Variants in MBD5 observed in about 807,000 individuals in gnomAD.
The protein encoded by MBD5 is methyl-CpG binding domain protein 5.
A neutral mutation model predicts 117.3 loss-of-function variants in MBD5; 13 were observed. That is an observed-to-expected ratio of 0.11 (90% CI 0.07 to 0.18). The LOEUF (loss-of-function observed/expected upper bound fraction) is 0.18. Ranked by LOEUF, MBD5 falls within the 10% of genes least tolerant of loss-of-function variation. The pLI, the probability that MBD5 is intolerant of heterozygous loss-of-function variation, is 1.00. For synonymous variants in MBD5, 727 were observed against 766.4 expected, an observed-to-expected ratio of 0.95 and a Z score of 0.85; for missense variants, 1,879 against 2,093.8, an observed-to-expected ratio of 0.90 and a Z score of 2.00.
At chr2:148,121,458 T>G (rs1033361108) in intron 1 of MBD5, among the ~76,000 whole-genome samples, 2 of 152,030 alleles carry the variant, frequency 1.3e-5, no homozygotes, top group Non-Finnish European at 2.9e-5. Context: ...TAGTAAAATA[T>G]TCAAGCAAAC....
chr2:148,150,705 T>A (rs1001919690), intron 1 of MBD5, among the ~76,000 whole-genome samples: 5 of 152,108 alleles, frequency 3.3e-5, no homozygotes, highest in Non-Finnish European at 5.9e-5. Context: ...TTGAAGCAAT[T>A]GTGAATGGGA....
chr2:148,490,214 C>A lies in MBD5; in HGVS notation c.4582C>A (p.Pro1528Thr). 4 of 1,614,144 alleles carry A rather than the reference C, an allele frequency of 2.5e-6. No individual in the cohort carries two copies. Among genetic ancestry groups the A allele is most frequent in the Non-Finnish European group, 3.4e-6 (4 of 1,180,028 alleles). The change falls in exon 11 of 14, where the codon CCT (proline) becomes ACT (threonine). Residue 1528 changes from proline (P) to threonine (T), a missense_variant. Around this residue, in one of 4 missense-constraint regions of MBD5, gnomAD observed 1,666 missense variants for 1,792.2 expected, o/e 0.93. Transcript: ENST00000642680. The stretch of plus-strand genomic sequence containing the variant: ...ATGTGCACACATAAATGGGAATAGA[C>A]CTCGACAGAGTCGGGGATTTGGAGA... Reference protein sequence around the residue: ...ERCAHINGNRPRQSRGFGELL... With the variant: ...ERCAHINGNRTRQSRGFGELL...
At chr2:148,475,700 A>G (rs772585044) in intron 8 of MBD5, among the ~76,000 whole-genome samples, 1 of 152,176 alleles carries the variant, frequency 6.6e-6, no homozygotes, top group Non-Finnish European at 1.5e-5. Flanking sequence ...GCTACTATTT[A>G]CTAAAATCAA....
intron 4 of MBD5, among the ~76,000 whole-genome samples, chr2:148,419,680 A>T (rs1308053982): frequency 6.6e-6 from 1 of 152,068 alleles, no homozygotes; most frequent in Non-Finnish European, 1.5e-5. Context: ...CTATTTGGTA[A>T]GGTAATTTAC....
intron 1 of MBD5, among the ~76,000 whole-genome samples, chr2:148,051,604 A>AGTGT (rs59584574): frequency 0.058 from 8,038 of 139,008 alleles, 298 homozygotes; most frequent in East Asian, 0.15. Flanking sequence ...CTGTTTGTTG[A>AGTGT]GTGTGTGTGT....
chr2:148,209,080 T>G (rs1056570565), intron 2 of MBD5, among the ~76,000 whole-genome samples: 7 of 152,206 alleles, frequency 4.6e-5, no homozygotes, highest in African/African-American at 1.7e-4. Context: ...TTCATTTTGA[T>G]TTTACCATGA....
intron 3 of MBD5, among the ~76,000 whole-genome samples, chr2:148,331,236 A>G (rs1702637291): frequency 6.6e-6 from 1 of 152,156 alleles, no homozygotes; most frequent in East Asian, 1.9e-4. Flanking sequence ...AGTTAATTTT[A>G]TGCTTTTTTA....
intron 11 of MBD5, among the ~76,000 whole-genome samples, chr2:148,500,343 G>T (rs1304090475): frequency 6.6e-6 from 1 of 151,796 alleles, no homozygotes; most frequent in East Asian, 1.9e-4. Context: ...AATGTATATT[G>T]GAGTTGGTAT....
intron 3 of MBD5, among the ~76,000 whole-genome samples, chr2:148,245,412 A>G (rs1331092224): frequency 6.6e-6 from 1 of 151,958 alleles, no homozygotes; most frequent in Non-Finnish European, 1.5e-5. Flanking sequence ...TTTTTAATAG[A>G]GATAGGACAA....
In MBD5 at chr2:148,021,475, C is replaced by CTGCTGT. The variant is rs1166799013; in HGVS notation, c.-1128_-1123dup. The CTGCTGT allele has an allele frequency of 1.3e-4, 73 of 578,860 alleles. No individual in the cohort carries two copies. The highest frequency in any genetic ancestry group is 2.0e-4 in the Non-Finnish European group (60 of 300,862). The allele number at this position is 578,860 out of a possible 1,614,324, so 35.9% of individuals were successfully genotyped here. Reference sequence around the variant, plus strand: ...TTTGCTGCTGCTGTTGCTGCTGCTGCTGCTGTTGCTGCTGCTGCTGCTACT... The same window carrying CTGCTGT: ...TTTGCTGCTGCTGTTGCTGCTGCTGCTGCTGTTGCTGTTGCTGCTGCTGCTGCTACT... On this transcript the variant is annotated 5_prime_UTR_variant, in exon 1 of 14. Coordinates refer to ENST00000642680, the MANE Select transcript of MBD5 (RefSeq NM_001378120.1).
At chr2:148,364,980 A>T (rs995807683) in intron 4 of MBD5, among the ~76,000 whole-genome samples, 2 of 152,218 alleles carry the variant, frequency 1.3e-5, no homozygotes, top group African/African-American at 4.8e-5. Flanking sequence ...GCTCTGGACC[A>T]AGCAGACCTA....
chr2:148,120,953 T>G (rs1382729823), intron 1 of MBD5, among the ~76,000 whole-genome samples: 1 of 152,196 alleles, frequency 6.6e-6, no homozygotes. Flanking sequence ...ATTCCTAGTT[T>G]GTTGGATGTG....
chr2:148,253,476 C>A (rs1379357615), intron 3 of MBD5, among the ~76,000 whole-genome samples: 2 of 152,156 alleles, frequency 1.3e-5, no homozygotes, highest in African/African-American at 4.8e-5. Context: ...CATATACAGG[C>A]ATACCTCAGA....
At chr2:148,114,770 A>G (rs187049041) in intron 1 of MBD5, among the ~76,000 whole-genome samples, 2 of 152,292 alleles carry the variant, frequency 1.3e-5, no homozygotes, top group African/African-American at 2.4e-5. Context: ...AGGATATTTT[A>G]CCAATATATA....
intron 3 of MBD5, among the ~76,000 whole-genome samples, chr2:148,270,569 A>G (rs1558999266): frequency 6.6e-6 from 1 of 151,822 alleles, no homozygotes; most frequent in Non-Finnish European, 1.5e-5. Flanking sequence ...TTGTATTTTT[A>G]GTAGAGATGG....
chr2:148,189,182 G>T (rs2105897024), intron 2 of MBD5, among the ~76,000 whole-genome samples: 1 of 147,316 alleles, frequency 6.8e-6, no homozygotes, highest in Admixed American at 6.7e-5. Flanking sequence ...GCTGGGGGAG[G>T]GGCGCCCGCC....
chr2:148,208,762 C>G (rs1699347516), intron 2 of MBD5, among the ~76,000 whole-genome samples: 1 of 151,756 alleles, frequency 6.6e-6, no homozygotes, highest in African/African-American at 2.4e-5. Context: ...CTTCATTCCC[C>G]AGCTTTTCTC....
At chr2:148,343,192 G>A (rs1353020654) in intron 4 of MBD5, among the ~76,000 whole-genome samples, 4 of 152,008 alleles carry the variant, frequency 2.6e-5, no homozygotes, top group Non-Finnish European at 4.4e-5. Context: ...GGGCACCTAC[G>A]TAGATTATGG....
chr2:148,462,949 G>A (rs1413523247), intron 6 of MBD5, among the ~76,000 whole-genome samples: 1 of 152,026 alleles, frequency 6.6e-6, no homozygotes. Flanking sequence ...CATTAGAGCT[G>A]TATCTAATAT....
Sources: gnomAD v4.1 joint callset for allele counts (sites outside exome capture counted in the v4.1 genomes callset) on GRCh38, gnomAD v4.1.1 for gene constraint, gnomAD v4.1.1 regional missense constraint, MANE v1.5 for transcripts, NCBI Gene and HGNC (gene_info 2026-07-23, HGNC 2026-07-21) for gene names.